TENM4: variants seen among roughly 807,000 people sequenced by gnomAD.
TENM4 encodes teneurin transmembrane protein 4, also known as teneurin-4.
TENM4 carries 82 observed loss-of-function variants against 243.3 expected under a neutral mutation model. The observed-to-expected ratio is 0.34, with a 90% confidence interval of 0.28 to 0.40. The LOEUF (loss-of-function observed/expected upper bound fraction) is 0.40, where lower values mean the gene tolerates loss of function less well. TENM4 is among the 10% of genes least tolerant of loss of function. The pLI, the probability that TENM4 is intolerant of heterozygous loss-of-function variation, is 1.00. For missense variants in TENM4, 3,138 were observed against 3,673.3 expected (o/e 0.85, Z 3.77); for synonymous variants, 1,412 against 1,456.3 (o/e 0.97, Z 0.69).
chr11:79,163,933 A>G (rs891106642), intron 3 of TENM4, among the ~76,000 whole-genome samples: 13 of 141,424 alleles, frequency 9.2e-5, no homozygotes, highest in African/African-American at 3.4e-4. Flanking sequence ...CATATATATC[A>G]TATATATCTA....
rs766034459 is a variant in TENM4, at chr11:78,661,425, G to A, written c.7551+24C>T. The A allele has an allele frequency of 5.0e-6, 8 of 1,598,546 alleles. No homozygotes were observed. The East Asian group carries it at 1.8e-4, about 36-fold the overall frequency. On this transcript the variant is annotated intron_variant, in intron 33 of 33. Coordinates refer to ENST00000278550, the MANE Select transcript of TENM4 (RefSeq NM_001098816.3). ...CAGTAATGTCTGAGTGGCCTGAGGA[G>A]TGGCAGCCTTGTGCAGGAATTACCT...
chr11:78,910,936 C>A (rs1261094219), intron 6 of TENM4, among the ~76,000 whole-genome samples: 1 of 152,242 alleles, frequency 6.6e-6, no homozygotes, highest in Admixed American at 6.5e-5. Context: ...GACTGTGGGG[C>A]TTCCCTGGCT....
intron 2 of TENM4, among the ~76,000 whole-genome samples, chr11:79,254,747 G>A (rs1015943173): frequency 6.6e-6 from 1 of 152,176 alleles, no homozygotes; most frequent in African/African-American, 2.4e-5. Context: ...AGGTGAGAGT[G>A]GAGGAGAGTC....
At chr11:79,256,624 C>G (rs1855705175) in intron 2 of TENM4, among the ~76,000 whole-genome samples, 1 of 152,218 alleles carries the variant, frequency 6.6e-6, no homozygotes, top group Non-Finnish European at 1.5e-5. Context: ...GGTTCAGAGG[C>G]TGGATCTTTA....
chr11:79,125,795 C>G (rs960063711), intron 4 of TENM4, among the ~76,000 whole-genome samples: 2 of 152,154 alleles, frequency 1.3e-5, no homozygotes, highest in Non-Finnish European at 1.5e-5. Flanking sequence ...AATGTTGACT[C>G]TCTTCAGGAG....
At chr11:79,386,769 G>T (rs1034051618) in intron 1 of TENM4, among the ~76,000 whole-genome samples, 4 of 150,400 alleles carry the variant, frequency 2.7e-5, no homozygotes, top group African/African-American at 9.8e-5. Flanking sequence ...TTTTAAGTGA[G>T]CAAAAAAATT....
At chr11:79,400,187 C>A (rs755548698) in intron 1 of TENM4, among the ~76,000 whole-genome samples, 1 of 150,900 alleles carries the variant, frequency 6.6e-6, no homozygotes, top group Non-Finnish European at 1.5e-5. Flanking sequence ...GAGGGAGATG[C>A]TTTATCAACA....
intron 9 of TENM4, among the ~76,000 whole-genome samples, chr11:78,869,559 G>C (rs905015792): frequency 2.6e-5 from 4 of 152,064 alleles, no homozygotes; most frequent in African/African-American, 9.7e-5. Flanking sequence ...CCTTGTGTCC[G>C]ACCCCAGACA....
At chr11:78,794,979 AG>A (rs1857133434) in intron 15 of TENM4, among the ~76,000 whole-genome samples, 1 of 152,188 alleles carries the variant, frequency 6.6e-6, no homozygotes, top group African/African-American at 2.4e-5. Context: ...AGTCAATGTA[AG>A]GGGGCAGCTG....
In TENM4 at chr11:78,670,116, C is replaced by G. The variant is rs556415271; in HGVS notation, c.6229G>C (p.Val2077Leu). 1 of 1,613,924 alleles carries G rather than the reference C, an allele frequency of 6.2e-7. No individual in the cohort carries two copies. The highest frequency in any genetic ancestry group is 1.1e-5 in the South Asian group (1 of 91,072). Residue 2077 changes from valine (V) to leucine (L), a missense_variant, in exon 32 of 34, where the codon GTC (valine) becomes CTC (leucine). Val to Leu is a conservative substitution (Grantham distance 32, BLOSUM62 1). Around this residue, in one of 2 missense-constraint regions of TENM4, gnomAD observed 2,467 missense variants for 3,059.1 expected, o/e 0.81. Transcript: ENST00000278550. ...TAGTTGTAGTCAAAACGGGCGTTGA[C>G]CATGCCTTCCTCAGTGAAGCGGAAG... ...QIFRFTEEGM[V>L]NARFDYNYDN...
At chr11:79,351,612 C>T (rs1857416399) in intron 1 of TENM4, among the ~76,000 whole-genome samples, 1 of 152,124 alleles carries the variant, frequency 6.6e-6, no homozygotes, top group Admixed American at 6.5e-5. Flanking sequence ...AAGGCTGAGG[C>T]ACAAGATTGC....
intron 4 of TENM4, among the ~76,000 whole-genome samples, chr11:79,120,003 T>A (rs764312999): frequency 6.6e-6 from 1 of 152,198 alleles, no homozygotes; most frequent in African/African-American, 2.4e-5. Context: ...AATCCAACTG[T>A]CTGGGTCCCC....
intron 6 of TENM4, among the ~76,000 whole-genome samples, chr11:79,019,642 A>G (rs1245737088): frequency 6.6e-6 from 1 of 152,204 alleles, no homozygotes; most frequent in African/African-American, 2.4e-5. Flanking sequence ...ATCACCCACT[A>G]TGCACTGTGT....
At chr11:78,938,340 A>T (rs940591938) in intron 6 of TENM4, among the ~76,000 whole-genome samples, 1 of 152,136 alleles carries the variant, frequency 6.6e-6, no homozygotes, top group African/African-American at 2.4e-5. Flanking sequence ...TGCACTTTTC[A>T]CCCAGCATCT....
intron 1 of TENM4, among the ~76,000 whole-genome samples, chr11:79,345,985 A>C (rs992447168): frequency 1.3e-5 from 2 of 152,216 alleles, no homozygotes; most frequent in Non-Finnish European, 2.9e-5. Flanking sequence ...CTTCAGAAAG[A>C]AAAATGTGTA....
chr11:79,243,030 G>A (rs916875859), intron 2 of TENM4, among the ~76,000 whole-genome samples: 1 of 152,152 alleles, frequency 6.6e-6, no homozygotes. Flanking sequence ...GTGCCCCTTG[G>A]GAGCTCCAGG....
chr11:79,426,000 G>A (rs1315990591), intron 1 of TENM4, among the ~76,000 whole-genome samples: 2 of 152,164 alleles, frequency 1.3e-5, no homozygotes, highest in Admixed American at 6.5e-5. Flanking sequence ...GGGTCTTTCA[G>A]AAACCTACTT....
intron 4 of TENM4, among the ~76,000 whole-genome samples, chr11:79,070,487 T>C (rs1342595581): frequency 6.6e-6 from 1 of 152,188 alleles, no homozygotes; most frequent in Non-Finnish European, 1.5e-5. Flanking sequence ...GAGATGTTAT[T>C]ACTCTCTCCA....
At chr11:79,365,843 C>T (rs890496072) in intron 1 of TENM4, among the ~76,000 whole-genome samples, 5 of 152,036 alleles carry the variant, frequency 3.3e-5, no homozygotes, top group East Asian at 1.9e-4. Flanking sequence ...TGCAGATGCC[C>T]GGTGCGGGTA....
Sources: gnomAD v4.1 joint callset for allele counts (sites outside exome capture counted in the v4.1 genomes callset) on GRCh38, gnomAD v4.1.1 for gene constraint, gnomAD v4.1.1 regional missense constraint, MANE v1.5 for transcripts, NCBI Gene and HGNC (gene_info 2026-07-23, HGNC 2026-07-21) for gene names.